Variants in CLTC observed in about 807,000 individuals in gnomAD.
CLTC encodes clathrin heavy chain.
Under a neutral mutation model 195.8 loss-of-function variants are expected in CLTC, and 16 were observed. That is an observed-to-expected ratio of 0.08 (90% CI 0.06 to 0.12). CLTC has a LOEUF of 0.12. Ranked by LOEUF, CLTC falls within the 10% of genes least tolerant of loss-of-function variation. The pLI, the probability that CLTC is intolerant of heterozygous loss-of-function variation, is 1.00. For missense variants in CLTC, 796 were observed against 2,027.0 expected (o/e 0.39, Z 11.66); for synonymous variants, 667 against 689.4 (o/e 0.97, Z 0.51).
In CLTC at chr17:59,655,773, T is replaced by C. The variant is rs962916757; in HGVS notation, c.796-81T>C. The C allele has an allele frequency of 5.1e-6, 6 of 1,181,392 alleles. No homozygotes were observed. In the African/African-American group the frequency reaches 9.6e-5, roughly 19 times the overall value. The allele number at this position is 1,181,392 out of a possible 1,614,324, so 73.2% of individuals were successfully genotyped here. A position where few individuals can be genotyped will look rare whatever the true frequency, so the allele number is the denominator to read the frequency against. On this transcript the variant is annotated intron_variant, in intron 5 of 31. Coordinates refer to ENST00000269122, the MANE Select transcript of CLTC (RefSeq NM_004859.4). ...TCTTGTTCTGGAATTTTACCATCTC[T>C]AAAATGGAATTAGACTGAATGTTTT...
At chr17:59,670,223 AAAC>A (rs1157359278) in intron 14 of CLTC, among the ~76,000 whole-genome samples, 2 of 151,980 alleles carry the variant, frequency 1.3e-5, no homozygotes, top group Non-Finnish European at 2.9e-5. Context: ...CCTTTAAAAA[AAAC>A]AACAACAAAA....
At chr17:59,623,790 A>G (rs190536038) in intron 1 of CLTC, among the ~76,000 whole-genome samples, 4 of 152,278 alleles carry the variant, frequency 2.6e-5, no homozygotes, top group Admixed American at 6.5e-5. Context: ...GGAACTGTCT[A>G]CCAGCTACAT....
intron 31 of CLTC, among the ~76,000 whole-genome samples, chr17:59,692,486 C>A (rs2033327495): frequency 6.6e-6 from 1 of 152,114 alleles, no homozygotes; most frequent in African/African-American, 2.4e-5. Flanking sequence ...AGAGGTGTTA[C>A]TTGTTTTCGC....
chr17:59,650,242 C>T (rs529302552), intron 4 of CLTC, among the ~76,000 whole-genome samples: 2 of 152,156 alleles, frequency 1.3e-5, no homozygotes, highest in South Asian at 2.1e-4. Context: ...AAAATGTTCT[C>T]ATTTAGTTTA....
At chr17:59,633,789 C>T (rs1272744968) in intron 1 of CLTC, among the ~76,000 whole-genome samples, 1 of 152,186 alleles carries the variant, frequency 6.6e-6, no homozygotes, top group Admixed American at 6.5e-5. Context: ...TATCAAGGAT[C>T]TTTATAACTT....
chr17:59,640,681 G>C (rs1490587094), intron 1 of CLTC, among the ~76,000 whole-genome samples: 2 of 151,826 alleles, frequency 1.3e-5, no homozygotes, highest in Admixed American at 1.3e-4. Flanking sequence ...TTACAGGCAT[G>C]AGCCACCACG....
At chr17:59,626,504 C>T (rs929327953) in intron 1 of CLTC, among the ~76,000 whole-genome samples, 1 of 151,912 alleles carries the variant, frequency 6.6e-6, no homozygotes, top group African/African-American at 2.4e-5. Context: ...GCCGGTCAGG[C>T]GATTGTTAGA....
chr17:59,640,052 G>A (rs561560113), intron 1 of CLTC, among the ~76,000 whole-genome samples: 2 of 152,226 alleles, frequency 1.3e-5, no homozygotes, highest in Admixed American at 6.5e-5. Flanking sequence ...GTTACTATGT[G>A]CTGTTTTGAA....
chr17:59,629,295 T>C (rs2031642119), intron 1 of CLTC, among the ~76,000 whole-genome samples: 1 of 152,132 alleles, frequency 6.6e-6, no homozygotes. Flanking sequence ...TGAATCTCCA[T>C]AGTATTGTGT....
At chr17:59,627,136 A>G in intron 1 of CLTC, among the ~76,000 whole-genome samples, 1 of 152,156 alleles carries the variant, frequency 6.6e-6, no homozygotes, top group East Asian at 1.9e-4. Flanking sequence ...CCCGGGCTCA[A>G]GCAGTCCACC....
intron 5 of CLTC, among the ~76,000 whole-genome samples, chr17:59,654,596 C>T (rs1567948811): frequency 6.6e-6 from 1 of 152,238 alleles, no homozygotes; most frequent in Non-Finnish European, 1.5e-5. Context: ...TCTCCTGCCT[C>T]AGCCTCCCCA....
chr17:59,687,056 A>G (rs891225457), intron 30 of CLTC: 2 of 975,398 alleles, frequency 2.1e-6, no homozygotes, highest in Non-Finnish European at 2.4e-6. Flanking sequence ...TTAAGTCTGG[A>G]GGACTAAGTC....
chr17:59,647,539 G>A lies in CLTC; in HGVS notation c.392G>A (p.Ser131Asn). The A allele has an allele frequency of 6.2e-7, 1 of 1,614,156 alleles. No homozygotes were observed. The highest frequency in any genetic ancestry group is 8.5e-7 in the Non-Finnish European group (1 of 1,180,030). The change falls in exon 3 of 32, where the codon AGT becomes AAT. Residue 131 changes from serine to asparagine, a missense_variant. Ser to Asn is a conservative substitution (Grantham distance 46). Transcript: ENST00000269122. The stretch of plus-strand genomic sequence containing the variant: ...ACGGATAATGCAGTTTATCACTGGA[G>A]TATGGAAGGAGAGTCTCAGCCAGTG... ...LVTDNAVYHW[S>N]MEGESQPVKM...
chr17:59,693,815 A>T lies in CLTC; in HGVS notation c.4991A>T (p.Tyr1664Phe). ...PFGYGYTAPPYGQPQPGFGYS... is the reference protein window; with the variant it reads ...PFGYGYTAPPFGQPQPGFGYS... ...GGTTATGGTTATACCGCACCACCGT[A>T]TGGACAGCCACAGCCTGGCTTTGGG... Residue 1664 changes from tyrosine (Y) to phenylalanine (F), a missense_variant, in exon 32 of 32, where the codon TAT (tyrosine) becomes TTT (phenylalanine). This residue lies in a region of CLTC where 148 missense variants were observed against 279.5 expected (regional missense o/e 0.53). Transcript: ENST00000269122. 1 of 1,613,294 alleles carries T rather than the reference A, an allele frequency of 6.2e-7. No individual in the cohort carries two copies.
At position 59,663,837 on chromosome 17, in the gene CLTC, G is replaced by A. The variant is rs780217982; in HGVS notation, c.1369-5G>A. ...CACTAAACAATCTCTTTTTCCTTTG[G>A]ACAGCTGGAATGTTCTGAAGAACTG... On this transcript the variant is annotated splice_region_variant and splice_polypyrimidine_tract_variant and intron_variant, in intron 8 of 31. Transcript: ENST00000269122. 9 of 1,605,338 alleles carry A rather than the reference G, an allele frequency of 5.6e-6. No homozygotes were observed. The East Asian group carries it at 2.0e-4, about 36-fold the overall frequency.
chr17:59,650,140 G>A (rs1038596125), intron 4 of CLTC, among the ~76,000 whole-genome samples: 1 of 151,964 alleles, frequency 6.6e-6, no homozygotes, highest in African/African-American at 2.4e-5. Flanking sequence ...GTTCATTTCT[G>A]GCATGACTAA....
rs149074963 is a variant in CLTC at position 59,648,329 on chromosome 17, G to A, written c.609G>A (p.Gln203=). 3.0e-4 allele frequency: 478 copies of A among 1,614,020 alleles called. 1 individual carries two copies. Among genetic ancestry groups the A allele is most frequent in the Non-Finnish European group, 4.8e-5 (57 of 1,180,008 alleles). The part of the protein sequence containing the change: ...PIEGHAASFA[Q]FKMEGNAEES... Reference sequence around the variant, plus strand: ...AAGGACATGCAGCTAGCTTTGCACAGTTTAAGATGGAAGGAAATGCAGAAG... The same window carrying A: ...AAGGACATGCAGCTAGCTTTGCACAATTTAAGATGGAAGGAAATGCAGAAG... The change falls in exon 4 of 32, where the codon CAG becomes CAA. Residue 203 remains glutamine, a synonymous_variant. Coordinates refer to ENST00000269122, the MANE Select transcript of CLTC (RefSeq NM_004859.4). The surrounding 1 kb of genome is among the most constrained non-coding windows in gnomAD (Gnocchi z 4.5).
intron 16 of CLTC, among the ~76,000 whole-genome samples, chr17:59,675,091 T>G (rs2032935778): frequency 6.6e-6 from 1 of 152,210 alleles, no homozygotes; most frequent in Admixed American, 6.5e-5. Flanking sequence ...TAATTACAGC[T>G]ATGTGGTTTG....
In CLTC at chr17:59,620,037, C is replaced by T; in HGVS notation, c.-95C>T. 2 of 1,117,276 alleles carry T rather than the reference C, an allele frequency of 1.8e-6. No individual in the cohort carries two copies. The highest frequency in any genetic ancestry group is 1.5e-5 in the African/African-American group (1 of 65,310). 69.2% of individuals were successfully genotyped at this position (1,117,276 alleles called of 1,614,324 possible). On this transcript the variant is annotated 5_prime_UTR_variant, in exon 1 of 32. Coordinates refer to ENST00000269122, the MANE Select transcript of CLTC (RefSeq NM_004859.4). Reference sequence around the variant, plus strand: ...AGAGGATCCTGCTGAGCCCAGCCTCCCCCCTCCCCTTCTCCTCCTCTCCCT... The same window carrying T: ...AGAGGATCCTGCTGAGCCCAGCCTCTCCCCTCCCCTTCTCCTCCTCTCCCT...
Sources: allele counts gnomAD v4.1 joint callset (sites outside exome capture counted in the v4.1 genomes callset), GRCh38; gene constraint gnomAD v4.1.1; regional missense constraint gnomAD v4.1.1; non-coding constraint Gnocchi (gnomAD v3.1); transcripts MANE v1.5; gene names NCBI Gene and HGNC (gene_info 2026-07-23, HGNC 2026-07-21).